Variants in APOO observed in about 807,000 individuals in gnomAD.
APOO encodes apolipoprotein O, also known as MICOS complex subunit MIC26.
APOO carries 11 observed loss-of-function variants against 23.1 expected under a neutral mutation model. The observed-to-expected ratio is 0.48, with a 90% confidence interval of 0.30 to 0.79. The LOEUF (loss-of-function observed/expected upper bound fraction) is 0.79. Ranked by LOEUF, APOO falls within the 30% of genes least tolerant of loss-of-function variation. The probability of loss-of-function intolerance (pLI) is 0.07; values close to 1 mark genes in which losing one functional copy is unlikely to be tolerated. For synonymous variants in APOO, 59 were observed against 54.8 expected (o/e 1.08, Z -0.34); for missense variants, 160 against 142.7 (o/e 1.12, Z -0.62).
intron 7 of APOO, among the ~76,000 whole-genome samples, chrX:23,841,768 C>T (rs924943114): frequency 2.7e-4 from 30 of 110,511 alleles, no homozygotes; most frequent in Admixed American, 6.8e-4. Flanking sequence ...CACACACCCA[C>T]CTACAACCCA....
chrX:23,907,737 C>G lies in APOO; in HGVS notation c.-35G>C. On this transcript the variant is annotated 5_prime_UTR_variant, in exon 1 of 9. Coordinates refer to ENST00000379226, the MANE Select transcript of APOO (RefSeq NM_024122.5). ...AGCGGAGGCTCCGGCAGGGTCACCC[C>G]GGCCTCGGCCACGCCCACTATAGAG... 1 of 1,158,561 alleles carries G rather than the reference C, an allele frequency of 8.6e-7. No individual in the cohort carries two copies. The highest frequency in any genetic ancestry group is 2.0e-5 in the South Asian group (1 of 50,640).
At chrX:23,876,479 C>G (rs1469433572) in intron 3 of APOO, among the ~76,000 whole-genome samples, 1 of 105,377 alleles carries the variant, frequency 9.5e-6, no homozygotes, top group Non-Finnish European at 1.9e-5. Context: ...TTGCCGACTT[C>G]TTTTGCTAGC....
At chrX:23,866,920 C>T (rs922013861) in intron 5 of APOO, among the ~76,000 whole-genome samples, 1 of 109,793 alleles carries the variant, frequency 9.1e-6, no homozygotes, top group Non-Finnish European at 1.9e-5. Flanking sequence ...GCTAACATGG[C>T]GAAACCCCAT....
At chrX:23,846,677 C>T (rs1241985701) in intron 7 of APOO, among the ~76,000 whole-genome samples, 1 of 109,489 alleles carries the variant, frequency 9.1e-6, no homozygotes, top group Non-Finnish European at 1.9e-5. Flanking sequence ...ATCTGTGACC[C>T]TGAGGACTGA....
At chrX:23,871,197 CAAA>C (rs34502498) in intron 4 of APOO, among the ~76,000 whole-genome samples, 2 of 83,624 alleles carry the variant, frequency 2.4e-5, no homozygotes. Flanking sequence ...CTAAAAATAC[CAAA>C]AAAAAAAAAA....
intron 7 of APOO, among the ~76,000 whole-genome samples, chrX:23,842,302 T>A (rs1384923702): frequency 9.0e-6 from 1 of 111,077 alleles, no homozygotes; most frequent in Non-Finnish European, 1.9e-5. Flanking sequence ...GGTGGGAGGA[T>A]CACTTAAGCC....
At chrX:23,857,411 T>C (rs1273265626) in intron 6 of APOO, among the ~76,000 whole-genome samples, 1 of 111,501 alleles carries the variant, frequency 9.0e-6, no homozygotes, top group Non-Finnish European at 1.9e-5. Flanking sequence ...TGGAAGATGT[T>C]ACTCACTGTT....
chrX:23,871,742 C>T (rs750723163), intron 4 of APOO, among the ~76,000 whole-genome samples: 2 of 112,037 alleles, frequency 1.8e-5, no homozygotes, highest in Non-Finnish European at 3.8e-5. Flanking sequence ...ATATTACACG[C>T]ATCTCAGTGG....
At chrX:23,867,271 C>T (rs184863585) in intron 5 of APOO, among the ~76,000 whole-genome samples, 5 of 111,661 alleles carry the variant, frequency 4.5e-5, no homozygotes, top group South Asian at 7.4e-4. Flanking sequence ...TGAACCCCCA[C>T]GCTGGGAGGT....
intron 4 of APOO, among the ~76,000 whole-genome samples, chrX:23,872,449 A>G (rs1286686888): frequency 4.6e-5 from 5 of 108,041 alleles, no homozygotes; most frequent in African/African-American, 6.7e-5. Context: ...ATAAAAGACT[A>G]TATCAGGAGT....
At chrX:23,850,145 T>TA (rs1924465489) in intron 7 of APOO, among the ~76,000 whole-genome samples, 1 of 111,956 alleles carries the variant, frequency 8.9e-6, no homozygotes, top group African/African-American at 3.2e-5. Flanking sequence ...GAAAATAAAA[T>TA]ATACTCGTGT....
intron 1 of APOO, among the ~76,000 whole-genome samples, chrX:23,889,960 C>T (rs1266873903): frequency 4.5e-5 from 5 of 110,930 alleles, no homozygotes; most frequent in African/African-American, 3.3e-5. Context: ...CGCGCCTGGC[C>T]CACCTGGGGA....
At chrX:23,903,100 C>T (rs1018011759) in intron 1 of APOO, among the ~76,000 whole-genome samples, 12 of 111,876 alleles carry the variant, frequency 1.1e-4, no homozygotes, top group African/African-American at 3.6e-4. Context: ...CCGGGTGCGG[C>T]GGCTCACGTC....
At chrX:23,844,960 T>C (rs1028715013) in intron 7 of APOO, among the ~76,000 whole-genome samples, 1 of 111,791 alleles carries the variant, frequency 8.9e-6, no homozygotes, top group Admixed American at 9.5e-5. Context: ...GTTCCTCACA[T>C]GAGATAACCT....
At chrX:23,836,050 C>G (rs1275499854) in intron 8 of APOO, among the ~76,000 whole-genome samples, 1 of 112,650 alleles carries the variant, frequency 8.9e-6, no homozygotes, top group African/African-American at 3.2e-5. Flanking sequence ...TCAAACGAAC[C>G]AACTGTAAAA....
chrX:23,876,273 AAAAAAT>A (rs1399930127), intron 3 of APOO, among the ~76,000 whole-genome samples: 3 of 103,882 alleles, frequency 2.9e-5, no homozygotes, highest in Admixed American at 1.1e-4. Context: ...AAAAAAATAA[AAAAAAT>A]AAAAATAAAA....
chrX:23,874,544 G>C, intron 3 of APOO, 87 bp from the exon 4 acceptor site: 2 of 789,795 alleles, frequency 2.5e-6, no homozygotes, highest in South Asian at 4.4e-5. Flanking sequence ...TGTTTTTACT[G>C]AATAAATTAT....
At chrX:23,903,220 T>C (rs1192145016) in intron 1 of APOO, among the ~76,000 whole-genome samples, 1 of 110,730 alleles carries the variant, frequency 9.0e-6, no homozygotes, top group East Asian at 2.8e-4. Flanking sequence ...ATACAAAAAA[T>C]TAGCTGGGCA....
intron 1 of APOO, among the ~76,000 whole-genome samples, chrX:23,886,601 C>T (rs1198961622): frequency 9.0e-6 from 1 of 111,519 alleles, no homozygotes; most frequent in Non-Finnish European, 1.9e-5. Context: ...TGATGGAAAC[C>T]CATGGGAGGA....
Sources: gnomAD v4.1 joint callset for allele counts (sites outside exome capture counted in the v4.1 genomes callset) on GRCh38, gnomAD v4.1.1 for gene constraint, MANE v1.5 for transcripts, NCBI Gene and HGNC (gene_info 2026-07-23, HGNC 2026-07-21) for gene names.